DGKB: variants seen among roughly 807,000 people sequenced by gnomAD.
The protein encoded by DGKB is diacylglycerol kinase beta.
In DGKB, 67 loss-of-function variants were observed where a neutral mutation model predicts 114.3. The ratio of observed to expected loss-of-function variants is 0.59; its 90% CI spans 0.48 to 0.72. DGKB has a LOEUF of 0.72. Among genes scored for constraint, DGKB ranks in the 30% least tolerant of loss-of-function variants. The pLI is 0.00. For synonymous variants in DGKB, 398 were observed against 323.1 expected, an observed-to-expected ratio of 1.23 and a Z score of -2.49; for missense variants, 907 against 975.2, an observed-to-expected ratio of 0.93 and a Z score of 0.93.
rs62448746 is a variant in DGKB at position 14,789,063 on chromosome 7, T to C, written c.71-31332A>G. ...ACCTTAAGCACAAAAAAGCTGCAGC[T>C]TACCACTGGAGGAATTTTTTTTTTA... is the stretch of plus-strand genomic sequence containing the variant. On this transcript the variant is annotated intron_variant, in intron 2 of 25. Transcript: ENST00000402815. Among the ~76,000 whole-genome samples, 691 of 151,042 alleles carry C rather than the reference T, an allele frequency of 4.6e-3. 2 individuals are homozygous for C. The highest frequency in any genetic ancestry group is 8.0e-3 in the Non-Finnish European group (545 of 67,950).
intron 14 of DGKB, among the ~76,000 whole-genome samples, chr7:14,628,949 AT>A (rs533371945): frequency 4.2e-4 from 64 of 152,258 alleles, no homozygotes; most frequent in Non-Finnish European, 6.6e-4. Flanking sequence ...AATTAAAAAA[AT>A]ATATAAAAAC....
intron 23 of DGKB, among the ~76,000 whole-genome samples, chr7:14,221,506 TTC>T (rs1789970066): frequency 5.3e-5 from 8 of 151,466 alleles, no homozygotes; most frequent in African/African-American, 1.7e-4. Context: ...CCAACTCTCA[TTC>T]CTGGGATAAA....
chr7:14,660,179 T>C (rs1365681672), intron 13 of DGKB, among the ~76,000 whole-genome samples: 2 of 152,030 alleles, frequency 1.3e-5, no homozygotes, highest in Non-Finnish European at 2.9e-5. Context: ...CTCAAGGATA[T>C]TGGTCTAAAA....
chr7:14,694,476 A>G (rs1170603703), intron 8 of DGKB, among the ~76,000 whole-genome samples: 1 of 152,202 alleles, frequency 6.6e-6, no homozygotes, highest in African/African-American at 2.4e-5. Context: ...AATAAGTGTG[A>G]AAGTGGTCTT....
intron 20 of DGKB, among the ~76,000 whole-genome samples, chr7:14,485,008 G>C (rs986560364): frequency 3.8e-4 from 57 of 150,916 alleles, no homozygotes; most frequent in African/African-American, 1.4e-3. Context: ...ATTTACAATG[G>C]CAAAAGTAAT....
Position 14,859,585 on chromosome 7 carries a change from T to G in DGKB, c.-187-18135A>C, listed in dbSNP as rs73281951. On this transcript the variant is annotated intron_variant, in intron 1 of 25. Coordinates refer to ENST00000402815, the MANE Select transcript of DGKB (RefSeq NM_001350709.2). ...ATGGCATAAAAGAAAAAGCTGAGAATGGGAGAAAATACACATTTTCAGGGT... is the reference window on the plus strand; with the variant it reads ...ATGGCATAAAAGAAAAAGCTGAGAAGGGGAGAAAATACACATTTTCAGGGT... 2.0e-3 allele frequency among the ~76,000 whole-genome samples: 305 copies of G among 152,150 alleles called. 2 individuals carry two copies. The highest frequency in any genetic ancestry group is 6.6e-3 in the African/African-American group (276 of 41,544).
At chr7:14,718,469 T>G in intron 6 of DGKB, 73 bp downstream of exon 6, 2 of 1,380,990 alleles carry the variant, frequency 1.4e-6, no homozygotes, top group African/African-American at 1.5e-5. Flanking sequence ...TAATGCAATT[T>G]TAAGTTAATC....
Position 14,579,776 on chromosome 7 carries a change from AG to A in DGKB, c.1609+1085del, listed in dbSNP as rs931581012. Among the ~76,000 whole-genome samples the A allele has an allele frequency of 6.6e-5, 10 of 152,120 alleles. 1 individual carries two copies. In the Middle Eastern group the frequency reaches 0.014, roughly 207 times the overall value. On this transcript the variant is annotated intron_variant, in intron 19 of 25. Coordinates refer to ENST00000402815, the MANE Select transcript of DGKB (RefSeq NM_001350709.2). Reference sequence around the variant, plus strand: ...ACTTTGCCGTAAATCAGAGTTACTTAGGGAGTTTGTTTAAAAAAAAAAATCA... The same window carrying A: ...ACTTTGCCGTAAATCAGAGTTACTTAGGAGTTTGTTTAAAAAAAAAAATCA...
intron 12 of DGKB, among the ~76,000 whole-genome samples, chr7:14,680,611 A>G (rs559217829): frequency 1.3e-3 from 195 of 152,140 alleles, no homozygotes; most frequent in African/African-American, 4.6e-3. Context: ...TGAGGAAAAC[A>G]AAATGGAATA....
At chr7:14,571,189 C>A (rs1195438311) in intron 20 of DGKB, among the ~76,000 whole-genome samples, 1 of 152,170 alleles carries the variant, frequency 6.6e-6, no homozygotes, top group Non-Finnish European at 1.5e-5. Context: ...AACTACTGAG[C>A]CTCAGATAAG....
At chr7:14,165,139 C>T (rs1242613412) in intron 25 of DGKB, among the ~76,000 whole-genome samples, 1 of 152,004 alleles carries the variant, frequency 6.6e-6, no homozygotes, top group Non-Finnish European at 1.5e-5. Flanking sequence ...ACATTATTTT[C>T]AAGGAGTGAA....
rs999129075 is a variant in DGKB at position 14,146,439 on chromosome 7, A to G, written c.*2692T>C. 1 of 152,220 alleles carries G rather than the reference A, an allele frequency of 6.6e-6. No homozygotes were observed. Among genetic ancestry groups the G allele is most frequent in the African/African-American group, 2.4e-5 (1 of 41,470 alleles). The allele number at this position is 152,220 out of a possible 1,614,324, so 9.4% of individuals were successfully genotyped here. A position where few individuals can be genotyped will look rare whatever the true frequency, so the allele number is the denominator to read the frequency against. Reference sequence around the variant, plus strand: ...AAAACTTTATGTCTCCTATATTAAAAGAGGGCGACTCAATAGCTGAAAATT... The same window carrying G: ...AAAACTTTATGTCTCCTATATTAAAGGAGGGCGACTCAATAGCTGAAAATT... On this transcript the variant is annotated 3_prime_UTR_variant, in exon 26 of 26. Coordinates refer to ENST00000402815, the MANE Select transcript of DGKB (RefSeq NM_001350709.2).
chr7:14,620,187 T>C (rs958768416), intron 15 of DGKB, among the ~76,000 whole-genome samples: 22 of 151,562 alleles, frequency 1.5e-4, no homozygotes, highest in African/African-American at 5.3e-4. Context: ...CTTGATTTAC[T>C]TTTTTAAAAT....
chr7:14,393,501 A>C (rs2128713220), intron 21 of DGKB, among the ~76,000 whole-genome samples: 1 of 152,310 alleles, frequency 6.6e-6, no homozygotes, highest in South Asian at 2.1e-4. Context: ...CTTTTGATGT[A>C]ATAATCTACA....
At chr7:14,778,594 G>T (rs1276009874) in intron 2 of DGKB, among the ~76,000 whole-genome samples, 1 of 152,150 alleles carries the variant, frequency 6.6e-6, no homozygotes, top group Non-Finnish European at 1.5e-5. Flanking sequence ...AAGGTAAAGA[G>T]AAACTAGAAG....
chr7:14,973,810 T>C lies in DGKB; in HGVS notation c.-188+886A>G, dbSNP rs76808123. 9.8e-4 allele frequency among the ~76,000 whole-genome samples: 145 copies of C among 148,488 alleles called. 2 individuals are homozygous for C. In the East Asian group the frequency reaches 0.028, roughly 28 times the overall value. The stretch of plus-strand genomic sequence containing the variant: ...AGTAAAATTTTAAATTTCAGATAGG[T>C]TGTGTATATATAAATTACATATAAA... On this transcript the variant is annotated intron_variant, in intron 1 of 4. Coordinates refer to the DGKB transcript ENST00000437998.
At chr7:14,418,369 GTGTA>G (rs1002454057) in intron 21 of DGKB, among the ~76,000 whole-genome samples, 3 of 118,988 alleles carry the variant, frequency 2.5e-5, no homozygotes, top group South Asian at 2.4e-4. Context: ...ATATGTGTGT[GTGTA>G]TATATATATA....
intron 20 of DGKB, among the ~76,000 whole-genome samples, chr7:14,564,902 T>C (rs989851918): frequency 1.2e-4 from 19 of 152,144 alleles, no homozygotes; most frequent in African/African-American, 4.6e-4. Flanking sequence ...ATCCTAAAGT[T>C]CCATTTCTTC....
At chr7:14,176,769 T>C (rs754291338) in intron 25 of DGKB, 70 bp downstream of exon 25, 3 of 1,560,670 alleles carry the variant, frequency 1.9e-6, no homozygotes, top group Non-Finnish European at 1.7e-6. Flanking sequence ...AAATCAGTTA[T>C]TGTGGTTATT....
Sources: gnomAD v4.1 joint callset for allele counts (sites outside exome capture counted in the v4.1 genomes callset) on GRCh38, gnomAD v4.1.1 for gene constraint, MANE v1.5 for transcripts, NCBI Gene and HGNC (gene_info 2026-07-23, HGNC 2026-07-21) for gene names.